NAALADL2: variants seen among roughly 807,000 people sequenced by gnomAD.
NAALADL2 encodes the protein inactive N-acetylated-alpha-linked acidic dipeptidase-like protein 2.
A neutral mutation model predicts 87.2 loss-of-function variants in NAALADL2; 76 were observed. That is an observed-to-expected ratio of 0.87 (90% CI 0.72 to 1.05). NAALADL2 has a LOEUF of 1.05. NAALADL2 is among the 50% of genes least tolerant of loss of function. NAALADL2 has a pLI of 0.00. For synonymous variants in NAALADL2, 354 were observed against 331.0 expected (o/e 1.07, Z -0.75); for missense variants, 1,089 against 945.8 (o/e 1.15, Z -1.99).
At chr3:174,568,340 A>G (rs563333597) in intron 2 of NAALADL2, among the ~76,000 whole-genome samples, 1 of 151,850 alleles carries the variant, frequency 6.6e-6, no homozygotes, top group Non-Finnish European at 1.5e-5. Flanking sequence ...TTAGTGGAAT[A>G]GCAACTCAGT....
chr3:174,682,162 G>C (rs1446436855), intron 2 of NAALADL2, among the ~76,000 whole-genome samples: 1 of 152,162 alleles, frequency 6.6e-6, no homozygotes, highest in Non-Finnish European at 1.5e-5. Flanking sequence ...TTGCAAAGTG[G>C]ATACCAGCTC....
chr3:175,515,934 T>C (rs936481824), intron 9 of NAALADL2, among the ~76,000 whole-genome samples: 1 of 152,224 alleles, frequency 6.6e-6, no homozygotes, highest in Non-Finnish European at 1.5e-5. Flanking sequence ...AAAATGCGGC[T>C]CTAATGAACA....
intron 2 of NAALADL2, among the ~76,000 whole-genome samples, chr3:175,169,985 A>G (rs1734562221): frequency 6.6e-6 from 1 of 151,688 alleles, no homozygotes; most frequent in Non-Finnish European, 1.5e-5. Flanking sequence ...ACTTTTTACA[A>G]CCTGTTTGGG....
intron 9 of NAALADL2, among the ~76,000 whole-genome samples, chr3:175,532,026 A>C (rs1344198075): frequency 6.6e-6 from 1 of 152,100 alleles, no homozygotes; most frequent in East Asian, 1.9e-4. Flanking sequence ...TTTCCACCCT[A>C]ATAGCCCTCA....
intron 1 of NAALADL2, among the ~76,000 whole-genome samples, chr3:175,009,687 T>C (rs1466044459): frequency 6.6e-6 from 1 of 151,396 alleles, no homozygotes; most frequent in Non-Finnish European, 1.5e-5. Context: ...TTTCCTTGCT[T>C]CTAGATGAAG....
At chr3:174,588,333 G>T (rs972831098) in intron 2 of NAALADL2, among the ~76,000 whole-genome samples, 1 of 152,150 alleles carries the variant, frequency 6.6e-6, no homozygotes, top group Admixed American at 6.5e-5. Context: ...TTAGCTCGGA[G>T]AAGTTTGTTA....
chr3:175,493,222 A>G (rs1728349158), intron 9 of NAALADL2, among the ~76,000 whole-genome samples: 1 of 152,094 alleles, frequency 6.6e-6, no homozygotes, highest in African/African-American at 2.4e-5. Flanking sequence ...TGAATTTGAT[A>G]GTAAGCACAT....
chr3:175,268,353 C>T (rs914059523), intron 4 of NAALADL2, among the ~76,000 whole-genome samples: 1 of 151,890 alleles, frequency 6.6e-6, no homozygotes, highest in African/African-American at 2.4e-5. Flanking sequence ...AACTGGTATA[C>T]CTGTATAGGG....
At chr3:174,675,749 T>G (rs990965825) in intron 2 of NAALADL2, among the ~76,000 whole-genome samples, 1 of 152,056 alleles carries the variant, frequency 6.6e-6, no homozygotes, top group Non-Finnish European at 1.5e-5. Flanking sequence ...GTAACCATGT[T>G]AAGTGAAGGA....
intron 3 of NAALADL2, among the ~76,000 whole-genome samples, chr3:174,769,171 T>C (rs1386832994): frequency 6.6e-6 from 1 of 152,062 alleles, no homozygotes; most frequent in Admixed American, 6.5e-5. Flanking sequence ...TATTTTGTGG[T>C]TCCTATGGTT....
intron 13 of NAALADL2, among the ~76,000 whole-genome samples, chr3:175,758,506 T>C (rs1348978662): frequency 6.6e-6 from 1 of 152,054 alleles, no homozygotes; most frequent in Non-Finnish European, 1.5e-5. Flanking sequence ...GTCACGAATT[T>C]GTACTTCATT....
At chr3:174,708,843 G>T (rs1730359871) in intron 2 of NAALADL2, among the ~76,000 whole-genome samples, 2 of 152,100 alleles carry the variant, frequency 1.3e-5, no homozygotes, top group Non-Finnish European at 1.5e-5. Flanking sequence ...AAGAGGAAAG[G>T]AATTTTCCAT....
At chr3:174,698,853 G>A (rs1406411186) in intron 2 of NAALADL2, among the ~76,000 whole-genome samples, 1 of 93,620 alleles carries the variant, frequency 1.1e-5, no homozygotes, top group Non-Finnish European at 1.8e-5. Context: ...GACAGAGCGA[G>A]ACTCCGTCTC....
intron 11 of NAALADL2, among the ~76,000 whole-genome samples, chr3:175,677,371 T>C (rs1451898949): frequency 6.6e-6 from 1 of 151,178 alleles, no homozygotes; most frequent in Non-Finnish European, 1.5e-5. Flanking sequence ...AAAAAAAAAA[T>C]AAATAAAAAT....
intron 2 of NAALADL2, among the ~76,000 whole-genome samples, chr3:175,143,864 T>G (rs1286461750): frequency 6.6e-6 from 1 of 151,936 alleles, no homozygotes; most frequent in African/African-American, 2.4e-5. Context: ...TTGAATACAG[T>G]ATATTTAACC....
chr3:174,952,801 G>A (rs1740576859), intron 1 of NAALADL2, among the ~76,000 whole-genome samples: 1 of 152,100 alleles, frequency 6.6e-6, no homozygotes. Flanking sequence ...ATTAGGTTTG[G>A]ATGATGAGTA....
chr3:175,730,395 G>GATATATATATAT (rs5854656), intron 11 of NAALADL2, among the ~76,000 whole-genome samples: 4 of 55,746 alleles, frequency 7.2e-5, no homozygotes, highest in East Asian at 1.1e-3. Context: ...ACTTAATACA[G>GATATATATATAT]ATATATATAT....
intron 13 of NAALADL2, among the ~76,000 whole-genome samples, chr3:175,788,205 C>CA (rs1184526261): frequency 1.3e-5 from 2 of 151,232 alleles, no homozygotes; most frequent in African/African-American, 2.4e-5. Context: ...GTGATCCTCC[C>CA]AACTTAGCCC....
chr3:174,940,351 G>T (rs533115600), intron 1 of NAALADL2, among the ~76,000 whole-genome samples: 6 of 152,256 alleles, frequency 3.9e-5, no homozygotes, highest in African/African-American at 1.4e-4. Flanking sequence ...TGCATCCCAG[G>T]GGTGAAGCCC....
Sources: allele counts gnomAD v4.1 joint callset (sites outside exome capture counted in the v4.1 genomes callset), GRCh38; gene constraint gnomAD v4.1.1; transcripts MANE v1.5; gene names NCBI Gene and HGNC (gene_info 2026-07-23, HGNC 2026-07-21).